Variants in NMBR observed in about 807,000 individuals in gnomAD.
NMBR encodes the protein neuromedin-B receptor.
In NMBR, 16 loss-of-function variants were observed where a neutral mutation model predicts 20.5. The observed-to-expected ratio is 0.78, with a 90% CI of 0.53 to 1.19. NMBR has a LOEUF of 1.19. Among genes scored for constraint, NMBR ranks in the 50% most tolerant of loss-of-function variants. The pLI, the probability that NMBR is intolerant of heterozygous loss-of-function variation, is 0.00. For missense variants in NMBR, 582 were observed against 499.1 expected, an observed-to-expected ratio of 1.17 and a Z score of -1.58; for synonymous variants, 212 against 196.6, an observed-to-expected ratio of 1.08 and a Z score of -0.65.
chr6:142,119,325 C>T (rs1007458235), intron 1 of NMBR, among the ~76,000 whole-genome samples: 4 of 151,882 alleles, frequency 2.6e-5, no homozygotes, highest in African/African-American at 9.7e-5. Context: ...GTCAGGATAC[C>T]CCCATCTAAA....
rs535871720 is a variant in NMBR at position 142,098,771 on chromosome 6, A to T, written c.-663-9450T>A. On this transcript the variant is annotated intron_variant, in intron 1 of 3. Coordinates refer to ENST00000258042, the MANE Select transcript of NMBR (RefSeq NM_002511.4). The stretch of plus-strand genomic sequence containing the variant: ...CACCTTCATCTATAAATTCAATGCT[A>T]TCTTAATCATAATCCCAGAAAGGTA... 4.9e-4 allele frequency among the ~76,000 whole-genome samples: 74 copies of T among 152,318 alleles called. 2 individuals carry two copies. In the South Asian group the frequency reaches 0.015, roughly 31 times the overall value.
chr6:142,075,914 T>C lies in NMBR; in HGVS notation c.907A>G (p.Met303Val), dbSNP rs1304470070. The change falls in exon 4 of 4, where the codon ATG becomes GTG. Residue 303 changes from methionine to valine, a missense_variant. Transcript: ENST00000258042. ...ACCCGGGCAACTAAGGTGACAATCA[T>C]GTGGCCTAGAGATGGATCAATCTCA... ...YNEIDPSLGHMIVTLVARVLS... is the reference protein window; with the variant it reads ...YNEIDPSLGHVIVTLVARVLS... 6.2e-6 allele frequency: 10 copies of C among 1,614,118 alleles called. No individual in the cohort carries two copies. Among genetic ancestry groups the C allele is most frequent in the African/African-American group, 1.3e-5 (1 of 75,048 alleles).
At chr6:142,104,152 A>G (rs527376614) in intron 1 of NMBR, among the ~76,000 whole-genome samples, 1 of 152,204 alleles carries the variant, frequency 6.6e-6, no homozygotes, top group Non-Finnish European at 1.5e-5. Context: ...TGCTGGGTTT[A>G]GAGGCATGAG....
At chr6:142,139,479 A>G (rs929782003) in intron 1 of NMBR, among the ~76,000 whole-genome samples, 1 of 152,310 alleles carries the variant, frequency 6.6e-6, no homozygotes, top group African/African-American at 2.4e-5. Context: ...GGACTCACTT[A>G]AATGCCCTTT....
At chr6:142,097,957 G>A (rs191373367) in intron 1 of NMBR, among the ~76,000 whole-genome samples, 22 of 152,036 alleles carry the variant, frequency 1.4e-4, no homozygotes, top group Admixed American at 5.9e-4. Flanking sequence ...AAAAGGTAAG[G>A]TAATTTCTCA....
At chr6:142,077,141 C>T (rs537428673) in intron 3 of NMBR, among the ~76,000 whole-genome samples, 1 of 152,122 alleles carries the variant, frequency 6.6e-6, no homozygotes, top group East Asian at 1.9e-4. Context: ...TCCAGGTGGA[C>T]CATGAGTGCA....
intron 2 of NMBR, among the ~76,000 whole-genome samples, chr6:142,080,158 T>C (rs1202862943): frequency 6.6e-6 from 1 of 152,118 alleles, no homozygotes; most frequent in African/African-American, 2.4e-5. Flanking sequence ...ATTTCTAAGA[T>C]ATTCTGTTAG....
At chr6:142,111,781 C>G (rs1261897719) in intron 1 of NMBR, among the ~76,000 whole-genome samples, 1 of 152,156 alleles carries the variant, frequency 6.6e-6, no homozygotes, top group Non-Finnish European at 1.5e-5. Context: ...TCTAAGTAAA[C>G]GCCTCTGAAT....
intron 1 of NMBR, among the ~76,000 whole-genome samples, chr6:142,094,034 T>C (rs557670421): frequency 1.3e-4 from 20 of 152,130 alleles, no homozygotes; most frequent in African/African-American, 4.8e-4. Context: ...GAGTTCATTG[T>C]AGATTCTGGA....
At chr6:142,076,808 T>C (rs1225088886) in intron 3 of NMBR, among the ~76,000 whole-genome samples, 1 of 152,212 alleles carries the variant, frequency 6.6e-6, no homozygotes, top group Non-Finnish European at 1.5e-5. Context: ...AATACTTAAT[T>C]AAACCAACAT....
chr6:142,110,227 T>C (rs1214893746), intron 1 of NMBR, among the ~76,000 whole-genome samples: 13 of 152,316 alleles, frequency 8.5e-5, no homozygotes, highest in African/African-American at 2.9e-4. Context: ...CCTAGGTATA[T>C]ACTCAACACA....
At chr6:142,135,058 G>A (rs931743103) in intron 1 of NMBR, 2 of 409,276 alleles carry the variant, frequency 4.9e-6, no homozygotes, top group Non-Finnish European at 8.7e-6. Context: ...TATAGTGCCT[G>A]GTTGTAAGGT....
intron 1 of NMBR, among the ~76,000 whole-genome samples, chr6:142,138,322 T>C (rs73777127): frequency 0.017 from 2,568 of 152,278 alleles, 65 homozygotes; most frequent in African/African-American, 0.058. Flanking sequence ...GTTTTCATCA[T>C]TGAGGTTTTC....
At chr6:142,126,757 ATTTTTTTTTTTTT>A (rs34631481) in intron 1 of NMBR, among the ~76,000 whole-genome samples, 4 of 51,362 alleles carry the variant, frequency 7.8e-5, no homozygotes, top group Admixed American at 2.4e-4. Flanking sequence ...TATTTGAGGG[ATTTTTTTTTTTTT>A]TTTTTTTTTT....
At chr6:142,136,005 A>G (rs1722287825) in intron 1 of NMBR, among the ~76,000 whole-genome samples, 1 of 152,168 alleles carries the variant, frequency 6.6e-6, no homozygotes, top group Admixed American at 6.5e-5. Context: ...CTTTGGGTAT[A>G]TACCCAGTAA....
intron 2 of NMBR, among the ~76,000 whole-genome samples, chr6:142,081,762 T>C (rs1201802189): frequency 2.0e-5 from 3 of 152,204 alleles, no homozygotes; most frequent in African/African-American, 7.2e-5. Flanking sequence ...TGGGGAAAAG[T>C]ATCTCTTAGT....
At chr6:142,134,687 C>A in intron 1 of NMBR, 2 of 695,896 alleles carry the variant, frequency 2.9e-6, no homozygotes, top group Non-Finnish European at 5.2e-6. Context: ...AGTCTAGCGG[C>A]AATAGCATTC....
rs115181947 is a variant in NMBR, at chr6:142,079,506, A to G, written c.423-603T>C. On this transcript the variant is annotated intron_variant, in intron 2 of 3. Coordinates refer to ENST00000258042, the MANE Select transcript of NMBR (RefSeq NM_002511.4). ...TTCTAAATCTATATATGTTACATCT[A>G]TCATAATGTATTGAATACCAAATAT... Among the ~76,000 whole-genome samples the G allele has an allele frequency of 6.6e-3, 1,006 of 152,310 alleles. 14 individuals carry two copies. Among genetic ancestry groups the G allele is most frequent in the African/African-American group, 0.023 (940 of 41,564 alleles).
At chr6:142,087,914 T>C (rs914291834) in intron 2 of NMBR, among the ~76,000 whole-genome samples, 3 of 152,238 alleles carry the variant, frequency 2.0e-5, no homozygotes, top group African/African-American at 7.2e-5. Context: ...ATACTCGCTC[T>C]TTTGCATGTT....
Sources: allele counts gnomAD v4.1 joint callset (sites outside exome capture counted in the v4.1 genomes callset), GRCh38; gene constraint gnomAD v4.1.1; transcripts MANE v1.5; gene names NCBI Gene and HGNC (gene_info 2026-07-23, HGNC 2026-07-21).